The following SKAP2 variants were observed in gnomAD, a reference collection of about 807,000 sequenced individuals.
SKAP2 encodes the protein src kinase associated phosphoprotein 2, also known as src kinase-associated phosphoprotein 2.
In SKAP2, 28 loss-of-function variants were observed where a neutral mutation model predicts 54.9. The ratio of observed to expected loss-of-function variants is 0.51; its 90% CI spans 0.38 to 0.70. SKAP2 has a LOEUF of 0.70. Ranked by LOEUF, SKAP2 falls within the 30% of genes least tolerant of loss-of-function variation. SKAP2 has a pLI of 0.00. For missense variants in SKAP2, 356 were observed against 424.1 expected (o/e 0.84, Z 1.41); for synonymous variants, 137 against 134.3 (o/e 1.02, Z -0.14).
chr7:26,690,376 T>C lies in SKAP2; in HGVS notation c.797-14A>G, dbSNP rs1000806227. 13 of 1,569,700 alleles carry C rather than the reference T, an allele frequency of 8.3e-6. No individual in the cohort carries two copies. Among genetic ancestry groups the C allele is most frequent in the Non-Finnish European group, 1.1e-5 (13 of 1,139,630 alleles). On this transcript the variant is annotated splice_polypyrimidine_tract_variant and intron_variant, in intron 9 of 12. Transcript: ENST00000345317. ...CCTCTTCTTCTTCTGTAAATAAACA[T>C]TATCAATGGCACATTGAAGGGTTTT...
chr7:26,694,075 T>C (rs1358267646), intron 9 of SKAP2, among the ~76,000 whole-genome samples: 1 of 152,174 alleles, frequency 6.6e-6, no homozygotes, highest in Admixed American at 6.5e-5. Flanking sequence ...ATAATCACCT[T>C]CACAATATAT....
At chr7:26,736,861 C>T (rs1271043592) in intron 6 of SKAP2, among the ~76,000 whole-genome samples, 1 of 151,634 alleles carries the variant, frequency 6.6e-6, no homozygotes, top group African/African-American at 2.4e-5. Context: ...CACCACTGCA[C>T]TCCAGCTTGG....
At position 26,774,184 on chromosome 7, in the gene SKAP2, A is replaced by T. The variant is rs186939752; in HGVS notation, c.308-34220T>A. On this transcript the variant is annotated intron_variant, in intron 4 of 12. Transcript: ENST00000345317. ...AAAAATTAGCTGGTAGTGGTGGTGC[A>T]TGCCTGTAGTCCCAGCTACTCAGGA... is the stretch of plus-strand genomic sequence containing the variant. Among the ~76,000 whole-genome samples the T allele has an allele frequency of 2.0e-4, 31 of 152,132 alleles. No homozygotes were observed. The East Asian group carries it at 6.0e-3, about 29-fold the overall frequency.
At chr7:26,838,939 C>G (rs952340566) in intron 4 of SKAP2, among the ~76,000 whole-genome samples, 1 of 152,106 alleles carries the variant, frequency 6.6e-6, no homozygotes, top group African/African-American at 2.4e-5. Context: ...CTTATTCACC[C>G]CCAATTGCCC....
rs113182159 is a variant in SKAP2, at chr7:26,752,470, T to C, written c.308-12506A>G. ...AATACAAAACGAGGAGGCCCAAGTATACAGCTAACTCCCAAAAGCTTTGTT... is the reference window on the plus strand; with the variant it reads ...AATACAAAACGAGGAGGCCCAAGTACACAGCTAACTCCCAAAAGCTTTGTT... On this transcript the variant is annotated intron_variant, in intron 4 of 12. Transcript: ENST00000345317. Among the ~76,000 whole-genome samples the C allele has an allele frequency of 4.9e-4, 75 of 152,286 alleles. 1 individual carries two copies. The highest frequency in any genetic ancestry group is 1.8e-3 in the African/African-American group (74 of 41,576).
intron 9 of SKAP2, among the ~76,000 whole-genome samples, chr7:26,700,695 G>A (rs756967857): frequency 2.0e-5 from 3 of 152,086 alleles, no homozygotes; most frequent in South Asian, 4.2e-4. Context: ...ACTTTCATCC[G>A]GCGTATGTCC....
the SKAP2 span, among the ~76,000 whole-genome samples, chr7:26,661,376 T>C: frequency 6.6e-5 from 10 of 152,100 alleles, no homozygotes; most frequent in African/African-American, 2.4e-4. Context: ...CAAACATTCA[T>C]AGATAGACAT....
At chr7:26,775,823 T>G (rs1044498035) in intron 4 of SKAP2, among the ~76,000 whole-genome samples, 1 of 152,210 alleles carries the variant, frequency 6.6e-6, no homozygotes, top group Non-Finnish European at 1.5e-5. Context: ...TCACTCAGCG[T>G]AACTGCCCAA....
At chr7:26,822,861 C>T (rs1378646148) in intron 4 of SKAP2, among the ~76,000 whole-genome samples, 5 of 149,964 alleles carry the variant, frequency 3.3e-5, no homozygotes, top group Non-Finnish European at 7.4e-5. Flanking sequence ...CCAGCCTGGG[C>T]GACACAGCGA....
At chr7:26,810,844 G>A (rs569969148) in intron 4 of SKAP2, among the ~76,000 whole-genome samples, 1 of 152,120 alleles carries the variant, frequency 6.6e-6, no homozygotes, top group East Asian at 1.9e-4. Context: ...ACCATGCCTG[G>A]CTAATTTTTG....
chr7:26,796,281 G>A (rs1323684864), intron 4 of SKAP2, among the ~76,000 whole-genome samples: 1 of 152,194 alleles, frequency 6.6e-6, no homozygotes, highest in Non-Finnish European at 1.5e-5. Context: ...GCCATCTCCT[G>A]TTGCTGTTGG....
intron 10 of SKAP2, among the ~76,000 whole-genome samples, chr7:26,689,982 AATG>A (rs1322808282): frequency 6.6e-6 from 1 of 152,226 alleles, no homozygotes; most frequent in East Asian, 1.9e-4. Flanking sequence ...ACACTTCCTC[AATG>A]ATGATAAGCT....
At chr7:26,857,786 A>T (rs1411463490) in intron 1 of SKAP2, 1 of 951,848 alleles carries the variant, frequency 1.1e-6, no homozygotes. Flanking sequence ...AAGCAATAAG[A>T]GTCTTGGGCG....
chr7:26,655,635 A>G, the SKAP2 span, among the ~76,000 whole-genome samples: 9 of 152,212 alleles, frequency 5.9e-5, no homozygotes, highest in African/African-American at 1.4e-4. Context: ...CTATGTGGTT[A>G]TATCAATCTA....
rs1051849912 is a variant in SKAP2 at position 26,670,034 on chromosome 7, G to A, written c.*9+57C>T. 25 of 729,478 alleles carry A rather than the reference G, an allele frequency of 3.4e-5. 1 individual carries two copies. The highest frequency in any genetic ancestry group is 2.5e-4 in the South Asian group (15 of 59,440). The allele number at this position is 729,478 out of a possible 1,614,324, so 45.2% of individuals were successfully genotyped here. On this transcript the variant is annotated intron_variant, in intron 12 of 12. Transcript: ENST00000345317. ...TTTTAAAAAGGCAAAGACTCATAAC[G>A]AAGAGACCAAGAGAACATATGAGCT...
chr7:26,726,749 T>A (rs1787718230), intron 7 of SKAP2, 133 bp downstream of exon 7: 11 of 715,190 alleles, frequency 1.5e-5, no homozygotes. Flanking sequence ...GTTCAATGCA[T>A]AATATATTTA....
At chr7:26,690,097 A>G (rs1786749344) in intron 10 of SKAP2, among the ~76,000 whole-genome samples, 188 bp downstream of exon 10, 1 of 152,202 alleles carries the variant, frequency 6.6e-6, no homozygotes, top group African/African-American at 2.4e-5. Flanking sequence ...CTTACTTTAT[A>G]AATCCTTCTC....
rs560508810 is a variant in SKAP2 at position 26,725,916 on chromosome 7, A to C, written c.658+7T>G. 7 of 1,602,548 alleles carry C rather than the reference A, an allele frequency of 4.4e-6. No homozygotes were observed. Among genetic ancestry groups the C allele is most frequent in the South Asian group, 1.1e-5 (1 of 90,870 alleles). On this transcript the variant is annotated splice_region_variant and intron_variant, in intron 8 of 12. Transcript: ENST00000345317. ...CTGTGATAACTTGTTCGATTGATTTATCTTACCTTGCAATACAAATTTCAG... is the reference window on the plus strand; with the variant it reads ...CTGTGATAACTTGTTCGATTGATTTCTCTTACCTTGCAATACAAATTTCAG...
At chr7:26,716,066 T>A (rs1188443165) in intron 9 of SKAP2, among the ~76,000 whole-genome samples, 1 of 152,224 alleles carries the variant, frequency 6.6e-6, no homozygotes. Context: ...TGAACACATA[T>A]GTAGTCAATT....
Sources: gnomAD v4.1 joint callset for allele counts (sites outside exome capture counted in the v4.1 genomes callset) on GRCh38, gnomAD v4.1.1 for gene constraint, MANE v1.5 for transcripts, NCBI Gene and HGNC (gene_info 2026-07-23, HGNC 2026-07-21) for gene names.